The following ARHGAP20 variants were observed in gnomAD, a reference collection of about 807,000 sequenced individuals.
ARHGAP20 encodes the protein rho GTPase-activating protein 20.
In ARHGAP20, 34 loss-of-function variants were observed where a neutral mutation model predicts 73.7. The ratio of observed to expected loss-of-function variants is 0.46; its 90% CI spans 0.35 to 0.61. The LOEUF is 0.61. ARHGAP20 is among the 20% of genes least tolerant of loss of function. The probability of loss-of-function intolerance (pLI) is 0.00; values close to 1 mark genes in which losing one functional copy is unlikely to be tolerated. For synonymous variants in ARHGAP20, 523 were observed against 518.2 expected (o/e 1.01, Z -0.13); for missense variants, 1,314 against 1,420.9 (o/e 0.92, Z 1.21).
At chr11:110,665,736 A>C (rs1949711034) in intron 2 of ARHGAP20, among the ~76,000 whole-genome samples, 1 of 152,222 alleles carries the variant, frequency 6.6e-6, no homozygotes, top group East Asian at 1.9e-4. Context: ...TGATCAGTGC[A>C]TGTATGCGAG....
Position 110,580,372 on chromosome 11 carries a change from G to C in ARHGAP20, c.2574C>G (p.Thr858=). The change falls in exon 15 of 15, where the codon ACC becomes ACG. Residue 858 remains threonine, a synonymous_variant. Coordinates refer to ENST00000683387, the MANE Select transcript of ARHGAP20 (RefSeq NM_001384657.1). ...TCTTTGAATAAATTCCCCTGAGATA[G>C]GTCAGCTTGCGGTTCTGGTCTTCTA... ...PNIEDQNRKL[T]YLRGIYSKKQ... 5.0e-6 allele frequency: 8 copies of C among 1,614,238 alleles called. No homozygotes were observed. The highest frequency in any genetic ancestry group is 1.1e-5 in the South Asian group (1 of 91,086).
At chr11:110,705,238 A>T (rs1302886009) in intron 1 of ARHGAP20, among the ~76,000 whole-genome samples, 1 of 152,174 alleles carries the variant, frequency 6.6e-6, no homozygotes, top group Non-Finnish European at 1.5e-5. Context: ...TAAGTTATTG[A>T]TTGGAGAGGA....
rs997883405 is a variant in ARHGAP20 at position 110,580,786 on chromosome 11, C to T, written c.2160G>A (p.Glu720=). The part of the protein sequence containing the change: ...YLDSKLSYLR[E]FYQKKLRKSS... Reference sequence around the variant, plus strand: ...ACTTGCGTAGCTTTTTCTGATAAAACTCCCTGAGGTAGGAAAGCTTTGAAT... The same window carrying T: ...ACTTGCGTAGCTTTTTCTGATAAAATTCCCTGAGGTAGGAAAGCTTTGAAT... The change falls in exon 15 of 15, where the codon GAG becomes GAA. Residue 720 remains glutamate (E), a synonymous_variant. Coordinates refer to ENST00000683387, the MANE Select transcript of ARHGAP20 (RefSeq NM_001384657.1). 2 of 1,613,832 alleles carry T rather than the reference C, an allele frequency of 1.2e-6. No homozygotes were observed. Among genetic ancestry groups the T allele is most frequent in the Non-Finnish European group, 8.5e-7 (1 of 1,179,988 alleles).
chr11:110,650,598 C>T (rs1185012123), intron 2 of ARHGAP20, among the ~76,000 whole-genome samples: 1 of 152,030 alleles, frequency 6.6e-6, no homozygotes, highest in East Asian at 1.9e-4. Context: ...TACATCCACA[C>T]CACTCTATTG....
chr11:110,693,819 C>T (rs1031552775), intron 1 of ARHGAP20, among the ~76,000 whole-genome samples: 1 of 151,766 alleles, frequency 6.6e-6, no homozygotes, highest in Non-Finnish European at 1.5e-5. Context: ...TTACGTTATG[C>T]TTATCTTAGC....
chr11:110,606,880 T>G (rs1410193623), intron 8 of ARHGAP20, 131 bp from the exon 9 acceptor site: 2 of 792,054 alleles, frequency 2.5e-6, no homozygotes, highest in Non-Finnish European at 3.7e-6. Context: ...TTTGACAGAA[T>G]GATCATTTAC....
chr11:110,610,954 C>A (rs1252035970), intron 7 of ARHGAP20, among the ~76,000 whole-genome samples: 1 of 151,912 alleles, frequency 6.6e-6, no homozygotes. Context: ...GGGGAAAAGT[C>A]AAATTGTGAC....
intron 6 of ARHGAP20, among the ~76,000 whole-genome samples, chr11:110,613,496 TCTC>T (rs2134895722): frequency 6.6e-6 from 1 of 152,170 alleles, no homozygotes; most frequent in South Asian, 2.1e-4. Context: ...TATCTTATCT[TCTC>T]TTCCAAAATG....
Position 110,712,082 on chromosome 11 carries a change from G to GGGCTGCGGC in ARHGAP20, c.105+36_105+44dup, listed in dbSNP as rs779522191. 1.1e-5 allele frequency: 14 copies of GGGCTGCGGC among 1,262,088 alleles called. No homozygotes were observed. In the East Asian group the frequency reaches 2.2e-4, roughly 20 times the overall value. 78.2% of individuals were successfully genotyped at this position (1,262,088 alleles called of 1,614,324 possible). A position where few individuals can be genotyped will look rare whatever the true frequency, so the allele number is the denominator to read the frequency against. On this transcript the variant is annotated intron_variant, in intron 1 of 14. Coordinates refer to ENST00000683387, the MANE Select transcript of ARHGAP20 (RefSeq NM_001384657.1). Reference sequence around the variant, plus strand: ...CGCGGAGGGCGCGCGCCGGCAGTGGGGGCTGCGGCGGCGGAGGGCACGGGC... The same window carrying GGGCTGCGGC: ...CGCGGAGGGCGCGCGCCGGCAGTGGGGGCTGCGGCGGCTGCGGCGGCGGAGGGCACGGGC...
chr11:110,578,227 C>T lies in ARHGAP20; in HGVS notation c.*1143G>A, dbSNP rs940081162. 28 of 985,312 alleles carry T rather than the reference C, an allele frequency of 2.8e-5. No homozygotes were observed. The African/African-American group carries it at 3.7e-4, about 13-fold the overall frequency. The allele number at this position is 985,312 out of a possible 1,614,324, so 61.0% of individuals were successfully genotyped here. A position where few individuals can be genotyped will look rare whatever the true frequency, so the allele number is the denominator to read the frequency against. On this transcript the variant is annotated 3_prime_UTR_variant, in exon 15 of 15. Coordinates refer to ENST00000683387, the MANE Select transcript of ARHGAP20 (RefSeq NM_001384657.1). Reference sequence around the variant, plus strand: ...CATTTGGGGCAAAAATATGGAACAACGTCTGGAAGCAAAACCCAAAGCAAA... The same window carrying T: ...CATTTGGGGCAAAAATATGGAACAATGTCTGGAAGCAAAACCCAAAGCAAA...
At chr11:110,636,596 G>A (rs1435350359) in intron 2 of ARHGAP20, among the ~76,000 whole-genome samples, 1 of 151,980 alleles carries the variant, frequency 6.6e-6, no homozygotes, top group Non-Finnish European at 1.5e-5. Context: ...GCATCTATCA[G>A]GCTGTCATTT....
At chr11:110,680,340 A>C (rs1295905918) in intron 2 of ARHGAP20, among the ~76,000 whole-genome samples, 1 of 152,156 alleles carries the variant, frequency 6.6e-6, no homozygotes, top group African/African-American at 2.4e-5. Context: ...CTTCTCAATA[A>C]TAGTAATAAT....
rs1947845892 is a variant in ARHGAP20 at position 110,592,167 on chromosome 11, G to A, written c.965-12C>T. ...CTTATGACCTGAATCTAAGGAAGAA[G>A]TGAGCTTATTAGAAAAATGAGTTTC... On this transcript the variant is annotated splice_polypyrimidine_tract_variant and intron_variant, in intron 9 of 14. Coordinates refer to ENST00000683387, the MANE Select transcript of ARHGAP20 (RefSeq NM_001384657.1). 6.2e-7 allele frequency: 1 copy of A among 1,602,262 alleles called. No homozygotes were observed. Among genetic ancestry groups the A allele is most frequent in the East Asian group, 2.2e-5 (1 of 44,630 alleles).
chr11:110,606,561 C>T lies in ARHGAP20; in HGVS notation c.964G>A (p.Asp322Asn). ...AAAACTTTTGCTAGAAGCAACTCAC[C>T]ACTCAGTTGCTGGGCTGCAGCCAGG... Reference protein sequence around the residue: ...SRLAAAQQLSDSGHKTFKRRR... With the variant: ...SRLAAAQQLSNSGHKTFKRRR... Residue 322 changes from aspartate to asparagine, a missense_variant and splice_region_variant, in exon 9 of 15, where the codon GAT becomes AAT. By Grantham distance (23) the Asp-to-Asn change is conservative. Transcript: ENST00000683387. 6.2e-7 allele frequency: 1 copy of T among 1,606,510 alleles called. No homozygotes were observed.
At chr11:110,661,505 C>T (rs1949611172) in intron 2 of ARHGAP20, among the ~76,000 whole-genome samples, 1 of 152,030 alleles carries the variant, frequency 6.6e-6, no homozygotes, top group Non-Finnish European at 1.5e-5. Context: ...TCATCATTAA[C>T]ACAACCAAAT....
intron 2 of ARHGAP20, among the ~76,000 whole-genome samples, chr11:110,641,687 C>T (rs1445447699): frequency 4.0e-5 from 6 of 151,860 alleles, no homozygotes; most frequent in African/African-American, 1.5e-4. Flanking sequence ...TGGAGCAAGA[C>T]CCTATCTCAA....
chr11:110,616,371 T>C (rs1948482069), intron 4 of ARHGAP20, among the ~76,000 whole-genome samples: 2 of 152,112 alleles, frequency 1.3e-5, no homozygotes, highest in South Asian at 4.1e-4. Context: ...TAAAATCATA[T>C]TTCTCTCTCA....
intron 8 of ARHGAP20, among the ~76,000 whole-genome samples, chr11:110,608,089 T>C (rs1333116086): frequency 6.6e-6 from 1 of 152,188 alleles, no homozygotes; most frequent in Admixed American, 6.5e-5. Flanking sequence ...GGTTTTAGAT[T>C]ACTAAGGTCA....
At position 110,580,123 on chromosome 11, in the gene ARHGAP20, T is replaced by A; in HGVS notation, c.2823A>T (p.Pro941=). The A allele has an allele frequency of 6.2e-7, 1 of 1,614,152 alleles. No homozygotes were observed. The highest frequency in any genetic ancestry group is 8.5e-7 in the Non-Finnish European group (1 of 1,180,018). ...PRTSYSSLSS[P]GTSPSGSSVS... The stretch of plus-strand genomic sequence containing the variant: ...CTGATGAGCCGGATGGGGAAGTGCC[T>A]GGGGAGGATAAGCTGGAATAGCTGG... The change falls in exon 15 of 15, where the codon CCA becomes CCT. Residue 941 remains proline (P), a synonymous_variant. Transcript: ENST00000683387.
Sources: gnomAD v4.1 joint callset for allele counts (sites outside exome capture counted in the v4.1 genomes callset) on GRCh38, gnomAD v4.1.1 for gene constraint, MANE v1.5 for transcripts, NCBI Gene and HGNC (gene_info 2026-07-23, HGNC 2026-07-21) for gene names.